Variants in PHKB observed in about 807,000 individuals in gnomAD.
The protein encoded by PHKB is phosphorylase b kinase regulatory subunit beta.
Under a neutral mutation model 152.1 loss-of-function variants are expected in PHKB, and 122 were observed. The ratio of observed to expected loss-of-function variants is 0.80; its 90% CI spans 0.69 to 0.93. PHKB has a LOEUF of 0.93. Among genes scored for constraint, PHKB ranks in the 40% least tolerant of loss-of-function variants. The pLI, the probability that PHKB is intolerant of heterozygous loss-of-function variation, is 0.00. For synonymous variants in PHKB, 436 were observed against 464.9 expected (o/e 0.94, Z 0.80); for missense variants, 1,304 against 1,328.4 (o/e 0.98, Z 0.29).
In PHKB at chr16:47,563,994, CTTTTTTTTT is replaced by C. The variant is rs899061752; in HGVS notation, c.711-16289_711-16281del. On this transcript the variant is annotated intron_variant, in intron 7 of 30. Coordinates refer to ENST00000323584, the MANE Select transcript of PHKB (RefSeq NM_000293.3). ...TTGCTGCAAAAGACATTATTTCATT[CTTTTTTTTT>C]TTTTTTTTTTTGGCTGAGTAGCAAT... is the stretch of plus-strand genomic sequence containing the variant. Among the ~76,000 whole-genome samples the C allele has an allele frequency of 1.3e-4, 11 of 82,052 alleles. No individual in the cohort carries two copies. The East Asian group carries it at 2.2e-3, about 16-fold the overall frequency. 53.8% of individuals were successfully genotyped at this position (82,052 alleles called of 152,430 possible). A position where few individuals can be genotyped will look rare whatever the true frequency, so the allele number is the denominator to read the frequency against.
intron 14 of PHKB, among the ~76,000 whole-genome samples, chr16:47,628,928 T>C (rs1972765219): frequency 1.3e-5 from 2 of 152,066 alleles, no homozygotes; most frequent in Admixed American, 6.6e-5. Flanking sequence ...GGGGAAAGGA[T>C]TCCCTATTTA....
At chr16:47,502,561 G>A (rs1970340803) in intron 3 of PHKB, among the ~76,000 whole-genome samples, 1 of 152,194 alleles carries the variant, frequency 6.6e-6, no homozygotes, top group African/African-American at 2.4e-5. Context: ...AAGAAAGGCA[G>A]CACCTACCTT....
intron 4 of PHKB, among the ~76,000 whole-genome samples, chr16:47,506,366 A>G (rs1970419800): frequency 6.6e-6 from 1 of 152,214 alleles, no homozygotes; most frequent in South Asian, 2.1e-4. Flanking sequence ...ATAGAGACAT[A>G]TGAAAAACCT....
chr16:47,547,555 T>G lies in PHKB; in HGVS notation c.710+7T>G, dbSNP rs976138000. 4.7e-6 allele frequency: 7 copies of G among 1,490,844 alleles called. No individual in the cohort carries two copies. The highest frequency in any genetic ancestry group is 6.5e-6 in the Non-Finnish European group (7 of 1,068,728). 92.4% of individuals were successfully genotyped at this position (1,490,844 alleles called of 1,614,324 possible). On this transcript the variant is annotated splice_region_variant and intron_variant, in intron 7 of 30. Transcript: ENST00000323584. ...GCACAGAGCTACATTCGAGGTAATT[T>G]GCTGATTTCTGAGGTTTTTTTTTTA...
intron 1 of PHKB, among the ~76,000 whole-genome samples, chr16:47,466,831 C>G (rs552012965): frequency 6.6e-6 from 1 of 152,018 alleles, no homozygotes; most frequent in Non-Finnish European, 1.5e-5. Flanking sequence ...CAAAAAGATT[C>G]TTGTGATTGG....
chr16:47,583,307 G>T (rs1971880894), intron 8 of PHKB, among the ~76,000 whole-genome samples: 2 of 152,040 alleles, frequency 1.3e-5, no homozygotes, highest in African/African-American at 4.8e-5. Context: ...GCTAAACAGT[G>T]GCACATTTAA....
rs530493603 is a variant in PHKB at position 47,615,482 on chromosome 16, G to A, written c.1458+4562G>A. ...CAACTGGTACCTCAGTTGAAGAGCT[G>A]AGATTAGAGCTCCCCACTTGGTCTC... On this transcript the variant is annotated intron_variant, in intron 14 of 30. Transcript: ENST00000323584. 1.9e-4 allele frequency among the ~76,000 whole-genome samples: 29 copies of A among 152,330 alleles called. No homozygotes were observed. In the South Asian group the frequency reaches 5.8e-3, roughly 31 times the overall value.
At chr16:47,663,792 C>G in intron 24 of PHKB, 58 bp downstream of exon 24, 2 of 1,015,504 alleles carry the variant, frequency 2.0e-6, no homozygotes, top group South Asian at 1.3e-5. Context: ...ATTCGATAGC[C>G]TAAAGAAAAT....
intron 6 of PHKB, among the ~76,000 whole-genome samples, chr16:47,547,084 G>T (rs2151672254): frequency 6.6e-6 from 1 of 152,292 alleles, no homozygotes; most frequent in East Asian, 1.9e-4. Flanking sequence ...GCCCCACCCT[G>T]CTTCAGCTCG....
chr16:47,553,864 G>A (rs1453674594), intron 7 of PHKB, among the ~76,000 whole-genome samples: 7 of 152,144 alleles, frequency 4.6e-5, no homozygotes, highest in African/African-American at 7.2e-5. Context: ...TATCACCAGC[G>A]GAGGCAGCAG....
At chr16:47,688,308 C>T (rs1974000414) in intron 26 of PHKB, among the ~76,000 whole-genome samples, 1 of 152,148 alleles carries the variant, frequency 6.6e-6, no homozygotes. Context: ...CTTTGGTTTT[C>T]ATAACTAGTT....
intron 6 of PHKB, 71 bp from the exon 7 acceptor site, chr16:47,547,362 C>A: frequency 2.2e-6 from 2 of 905,660 alleles, no homozygotes; most frequent in Non-Finnish European, 3.6e-6. Flanking sequence ...GGATTACAGG[C>A]ATGAGCCACC....
intron 26 of PHKB, among the ~76,000 whole-genome samples, chr16:47,681,322 C>T (rs186111755): frequency 1.3e-5 from 2 of 148,788 alleles, no homozygotes; most frequent in East Asian, 2.0e-4. Context: ...TCCTGGGTAT[C>T]CTTGTTAACT....
chr16:47,649,007 C>A (rs112885024), intron 17 of PHKB, 93 bp from the exon 18 acceptor site: 1 of 770,578 alleles, frequency 1.3e-6, no homozygotes, highest in Non-Finnish European at 2.4e-6. Flanking sequence ...CAGAATTAGA[C>A]ATCAGTTTTT....
rs563239495 is a variant in PHKB, at chr16:47,667,104, T to C, written c.2428-2111T>C. On this transcript the variant is annotated intron_variant, in intron 25 of 30. Coordinates refer to ENST00000323584, the MANE Select transcript of PHKB (RefSeq NM_000293.3). ...ATAAGCTATTTATTGTTTCCTGTAA[T>C]ATTTAATAATTAAAAATAATTGTAC... is the stretch of plus-strand genomic sequence containing the variant. 2.6e-5 allele frequency among the ~76,000 whole-genome samples: 4 copies of C among 152,268 alleles called. No individual in the cohort carries two copies. The South Asian group carries it at 8.3e-4, about 32-fold the overall frequency.
At chr16:47,658,809 A>AGTGTGTGTGTGTGT (rs36066227) in intron 20 of PHKB, among the ~76,000 whole-genome samples, 56 of 140,828 alleles carry the variant, frequency 4.0e-4, no homozygotes, top group African/African-American at 9.5e-4. Flanking sequence ...AATGCATGAC[A>AGTGTGTGTGTGTGT]GTGTGTGTGT....
chr16:47,632,904 T>C (rs1382139026), intron 14 of PHKB, among the ~76,000 whole-genome samples: 2 of 152,208 alleles, frequency 1.3e-5, no homozygotes, highest in Admixed American at 6.5e-5. Flanking sequence ...GTGTCTTAAT[T>C]ACCGTAGTTT....
chr16:47,663,640 G>C (rs1190706358), intron 23 of PHKB, 37 bp from the exon 24 acceptor site: 4 of 1,565,902 alleles, frequency 2.6e-6, no homozygotes, highest in Admixed American at 1.7e-5. Flanking sequence ...TTAATTAAAA[G>C]CTTTGTTCAA....
At chr16:47,550,391 A>G (rs1971250804) in intron 7 of PHKB, among the ~76,000 whole-genome samples, 1 of 152,198 alleles carries the variant, frequency 6.6e-6, no homozygotes, top group Non-Finnish European at 1.5e-5. Flanking sequence ...TATCCTTGTT[A>G]TATCCTGAAA....
Sources: gnomAD v4.1 joint callset for allele counts (sites outside exome capture counted in the v4.1 genomes callset) on GRCh38, gnomAD v4.1.1 for gene constraint, MANE v1.5 for transcripts, NCBI Gene and HGNC (gene_info 2026-07-23, HGNC 2026-07-21) for gene names.